Variants in CPLX4 observed in about 807,000 individuals in gnomAD.
CPLX4 encodes the protein complexin 4.
CPLX4 carries 17 observed loss-of-function variants against 16.1 expected under a neutral mutation model. The observed-to-expected ratio is 1.06, with a 90% CI of 0.72 to 1.59. CPLX4 has a LOEUF of 1.59. Among genes scored for constraint, CPLX4 ranks in the 40% most tolerant of loss-of-function variants. CPLX4 has a pLI of 0.00. For missense variants in CPLX4, 193 were observed against 192.9 expected (o/e 1.00, Z 0.00); for synonymous variants, 55 against 57.8 (o/e 0.95, Z 0.22).
intron 2 of CPLX4, among the ~76,000 whole-genome samples, chr18:59,311,114 C>T (rs1045704399): frequency 6.6e-6 from 1 of 152,090 alleles, no homozygotes; most frequent in Non-Finnish European, 1.5e-5. Context: ...GGCGAGACCA[C>T]ATTGCTAAAG....
At chr18:59,299,555 A>G (rs2144178693) in intron 2 of CPLX4, among the ~76,000 whole-genome samples, 1 of 152,252 alleles carries the variant, frequency 6.6e-6, no homozygotes, top group South Asian at 2.1e-4. Context: ...CCTGCCTCCC[A>G]TTCACAGGGA....
chr18:59,298,548 T>G (rs773701721), intron 2 of CPLX4, among the ~76,000 whole-genome samples: 3 of 151,128 alleles, frequency 2.0e-5, no homozygotes, highest in Non-Finnish European at 4.4e-5. Context: ...TATTAAAAAA[T>G]GACGATCTTA....
intron 2 of CPLX4, among the ~76,000 whole-genome samples, chr18:59,309,727 G>A (rs1259771049): frequency 6.6e-6 from 1 of 150,646 alleles, no homozygotes; most frequent in African/African-American, 2.4e-5. Flanking sequence ...GGAGACTGAG[G>A]CAGGAGAATG....
intron 2 of CPLX4, among the ~76,000 whole-genome samples, chr18:59,304,473 C>T (rs535397750): frequency 1.0e-3 from 156 of 152,208 alleles, no homozygotes; most frequent in African/African-American, 3.7e-3. Flanking sequence ...CTACAATATC[C>T]AATCTGGACT....
chr18:59,297,968 C>G (rs533992623), intron 2 of CPLX4, among the ~76,000 whole-genome samples: 1 of 152,360 alleles, frequency 6.6e-6, no homozygotes, highest in African/African-American at 2.4e-5. Flanking sequence ...ACTCAGCATA[C>G]TGGCAGTCTA....
At chr18:59,297,012 T>A in intron 2 of CPLX4, 87 bp from the exon 3 acceptor site, 1 of 1,506,254 alleles carries the variant, frequency 6.6e-7, no homozygotes, top group Non-Finnish European at 8.8e-7. Flanking sequence ...CAGGAAAAGG[T>A]CTTTAGAGAA....
chr18:59,296,476 A>G lies in CPLX4; in HGVS notation c.*222T>C, dbSNP rs147289072. On this transcript the variant is annotated 3_prime_UTR_variant, in exon 3 of 3. Coordinates refer to ENST00000299721, the MANE Select transcript of CPLX4 (RefSeq NM_181654.4). Reference sequence around the variant, plus strand: ...ATTTACAACTGAAATTTTCCAGTTTATCTCATTTATAACTAAAAGGAAAGT... The same window carrying G: ...ATTTACAACTGAAATTTTCCAGTTTGTCTCATTTATAACTAAAAGGAAAGT... 1.2e-3 allele frequency: 692 copies of G among 574,064 alleles called. 5 individuals are homozygous for G. Among genetic ancestry groups the G allele is most frequent in the African/African-American group, 0.011 (583 of 52,970 alleles). The allele number at this position is 574,064 out of a possible 1,614,324, so 35.6% of individuals were successfully genotyped here.
At chr18:59,304,239 C>T (rs1343771590) in intron 2 of CPLX4, among the ~76,000 whole-genome samples, 2 of 152,128 alleles carry the variant, frequency 1.3e-5, no homozygotes, top group Admixed American at 1.3e-4. Flanking sequence ...CAATGACTAA[C>T]CTAGATTGAC....
At chr18:59,317,538 C>T (rs926004146) in intron 1 of CPLX4, among the ~76,000 whole-genome samples, 1 of 151,700 alleles carries the variant, frequency 6.6e-6, no homozygotes, top group African/African-American at 2.4e-5. Context: ...CAAGAAAATG[C>T]CTTTATTTTT....
Position 59,296,646 on chromosome 18 carries a change from G to C in CPLX4, c.*52C>G, listed in dbSNP as rs2070502657. The C allele has an allele frequency of 1.3e-5, 20 of 1,596,150 alleles. No homozygotes were observed. The highest frequency in any genetic ancestry group is 6.7e-5 in the South Asian group (6 of 89,236). On this transcript the variant is annotated 3_prime_UTR_variant, in exon 3 of 3. Coordinates refer to ENST00000299721, the MANE Select transcript of CPLX4 (RefSeq NM_181654.4). ...GTACTGCTTGAAACGTCCCACAAGA[G>C]AGTGGTCTTTTCCAAGGATGGCTGG... is the stretch of plus-strand genomic sequence containing the variant.
chr18:59,315,742 T>C (rs2070647013), intron 1 of CPLX4, among the ~76,000 whole-genome samples: 1 of 152,194 alleles, frequency 6.6e-6, no homozygotes, highest in Admixed American at 6.5e-5. Context: ...CAAAGTTCAA[T>C]GTTTTTCAGT....
chr18:59,300,086 C>G (rs2070529863), intron 2 of CPLX4, among the ~76,000 whole-genome samples: 1 of 152,214 alleles, frequency 6.6e-6, no homozygotes, highest in African/African-American at 2.4e-5. Context: ...AACCCCAGCT[C>G]TTTGGGAAGC....
At chr18:59,299,386 A>G (rs2070524249) in intron 2 of CPLX4, among the ~76,000 whole-genome samples, 2 of 152,212 alleles carry the variant, frequency 1.3e-5, no homozygotes, top group Admixed American at 6.5e-5. Flanking sequence ...TCAGGTTGGT[A>G]GTAAGATCCC....
At chr18:59,312,346 T>C (rs2070622064) in intron 2 of CPLX4, among the ~76,000 whole-genome samples, 1 of 151,666 alleles carries the variant, frequency 6.6e-6, no homozygotes, top group Non-Finnish European at 1.5e-5. Flanking sequence ...GAACTCCTAG[T>C]TCAGTGCTCT....
In CPLX4 at chr18:59,308,044, C is replaced by T. The variant is rs552923387; in HGVS notation, c.255+4641G>A. On this transcript the variant is annotated intron_variant, in intron 2 of 2. Coordinates refer to ENST00000299721, the MANE Select transcript of CPLX4 (RefSeq NM_181654.4). ...CCGCCCGCCTCGGCCTCTCAATGTG[C>T]TGGGATTACAGGCGTGAGCCACCGC... Among the ~76,000 whole-genome samples the T allele has an allele frequency of 7.9e-5, 12 of 152,000 alleles. No individual in the cohort carries two copies. In the East Asian group the frequency reaches 1.9e-3, roughly 24 times the overall value.
At chr18:59,313,473 G>A (rs973282499) in intron 1 of CPLX4, among the ~76,000 whole-genome samples, 2 of 152,152 alleles carry the variant, frequency 1.3e-5, no homozygotes, top group African/African-American at 4.8e-5. Context: ...GGACGTTCTT[G>A]CTAATGATGA....
chr18:59,317,543 AT>A (rs1031367682), intron 1 of CPLX4, among the ~76,000 whole-genome samples: 3 of 151,894 alleles, frequency 2.0e-5, no homozygotes, highest in African/African-American at 7.2e-5. Context: ...AAATGCCTTT[AT>A]TTTTTGGAGG....
intron 1 of CPLX4, among the ~76,000 whole-genome samples, chr18:59,315,786 T>C (rs1173004824): frequency 6.6e-6 from 1 of 152,234 alleles, no homozygotes; most frequent in African/African-American, 2.4e-5. Flanking sequence ...GACTTTCCGT[T>C]CCTGGTCTGA....
intron 2 of CPLX4, among the ~76,000 whole-genome samples, 192 bp from the exon 3 acceptor site, chr18:59,297,117 C>A (rs2070507258): frequency 6.6e-6 from 1 of 152,018 alleles, no homozygotes; most frequent in South Asian, 2.1e-4. Flanking sequence ...CTTCATGGCA[C>A]CTTGCGTCGA....
Sources: gnomAD v4.1 joint callset for allele counts (sites outside exome capture counted in the v4.1 genomes callset) on GRCh38, gnomAD v4.1.1 for gene constraint, MANE v1.5 for transcripts, NCBI Gene and HGNC (gene_info 2026-07-23, HGNC 2026-07-21) for gene names.